The following CR1 variants were observed in gnomAD, a reference collection of about 807,000 sequenced individuals.
The protein encoded by CR1 is complement C3b/C4b receptor 1 (Knops blood group).
Under a neutral mutation model 187.3 loss-of-function variants are expected in CR1, and 116 were observed. That is an observed-to-expected ratio of 0.62 (90% CI 0.53 to 0.72). The LOEUF is 0.72. Among genes scored for constraint, CR1 ranks in the 30% least tolerant of loss-of-function variants. The pLI is 0.00. For synonymous variants in CR1, 576 were observed against 747.1 expected, an observed-to-expected ratio of 0.77 and a Z score of 3.73; for missense variants, 1,731 against 2,110.7, an observed-to-expected ratio of 0.82 and a Z score of 3.52.
At chr1:207,607,192 A>G in intron 35 of CR1, 59 bp from the exon 36 acceptor site, 1 of 1,312,890 alleles carries the variant, frequency 7.6e-7, no homozygotes, top group South Asian at 1.2e-5. Flanking sequence ...TATTTTCTAA[A>G]TGGTGAGTTA....
intron 35 of CR1, among the ~76,000 whole-genome samples, 175 bp from the exon 36 acceptor site, chr1:207,607,076 T>C (rs1270623448): frequency 1.3e-5 from 2 of 152,232 alleles, no homozygotes; most frequent in African/African-American, 4.8e-5. Flanking sequence ...AATGTAAGCT[T>C]GTCCTCAAAA....
chr1:207,576,107 G>T (rs562324038), intron 28 of CR1, among the ~76,000 whole-genome samples: 2 of 152,298 alleles, frequency 1.3e-5, no homozygotes, highest in East Asian at 3.9e-4. Flanking sequence ...ACAGGATCAT[G>T]CCATCTTCCC....
intron 35 of CR1, among the ~76,000 whole-genome samples, chr1:207,604,435 A>G (rs958249583): frequency 1.3e-5 from 2 of 152,200 alleles, no homozygotes; most frequent in Non-Finnish European, 2.9e-5. Flanking sequence ...TAAATCACCT[A>G]GTTCTTTTAT....
At chr1:207,591,398 C>T (rs566286474) in intron 35 of CR1, among the ~76,000 whole-genome samples, 14 of 152,116 alleles carry the variant, frequency 9.2e-5, no homozygotes, top group Non-Finnish European at 1.8e-4. Flanking sequence ...TTCTTTGAAA[C>T]CGATGAAAAC....
chr1:207,520,933 A>G lies in CR1; in HGVS notation c.488-2678A>G, dbSNP rs534460762. Among the ~76,000 whole-genome samples the G allele has an allele frequency of 1.9e-4, 7 of 36,926 alleles. No homozygotes were observed. In the East Asian group the frequency reaches 6.4e-3, roughly 34 times the overall value. 24.2% of individuals were successfully genotyped at this position (36,926 alleles called of 152,430 possible). ...TGTGTCTAGGTAAGAATTTCTTTGT[A>G]TTGCTTGGGTTTGCACATTTTTTTT... is the stretch of plus-strand genomic sequence containing the variant. On this transcript the variant is annotated intron_variant, in intron 4 of 46. Transcript: ENST00000367049.
At position 207,506,748 on chromosome 1, in the gene CR1, T is replaced by A; in HGVS notation, c.336T>A (p.Asn112Lys). 1 of 1,613,744 alleles carries A rather than the reference T, an allele frequency of 6.2e-7. No individual in the cohort carries two copies. ...KSCRNPPDPV[N>K]GMVHVIKGIQ... ...GTCGTAATCCTCCAGATCCTGTGAA[T>A]GGCATGGTGCATGTGATCAAAGGCA... Residue 112 changes from asparagine (N) to lysine (K), a missense_variant, in exon 3 of 47, where the codon AAT becomes AAA. This residue lies in a region of CR1 where 237 missense variants were observed against 240.4 expected (regional missense o/e 0.99). Coordinates refer to ENST00000367049, the MANE Select transcript of CR1 (RefSeq NM_000651.6).
chr1:207,583,270 C>A (rs944213204), intron 32 of CR1, among the ~76,000 whole-genome samples: 14 of 152,094 alleles, frequency 9.2e-5, no homozygotes, highest in African/African-American at 3.4e-4. Flanking sequence ...ATAGAGAGGT[C>A]AAATTAGGTG....
intron 35 of CR1, among the ~76,000 whole-genome samples, chr1:207,605,340 CACA>C (rs1415192766): frequency 4.3e-5 from 3 of 69,358 alleles, no homozygotes; most frequent in African/African-American, 4.2e-4. Flanking sequence ...ATTCTCACCA[CACA>C]CACACACACA....
At chr1:207,503,542 C>T (rs1028001308) in intron 1 of CR1, among the ~76,000 whole-genome samples, 1 of 152,168 alleles carries the variant, frequency 6.6e-6, no homozygotes, top group Non-Finnish European at 1.5e-5. Flanking sequence ...TGGCCTCCTT[C>T]CTCTACCTTC....
intron 4 of CR1, among the ~76,000 whole-genome samples, chr1:207,518,595 T>G (rs1436718692): frequency 1.3e-5 from 2 of 152,222 alleles, no homozygotes; most frequent in African/African-American, 2.4e-5. Flanking sequence ...TGGTTCCATC[T>G]GCAAGCTGTT....
intron 46 of CR1, among the ~76,000 whole-genome samples, chr1:207,636,087 C>T (rs1486737768): frequency 6.6e-6 from 1 of 151,870 alleles, no homozygotes; most frequent in African/African-American, 2.4e-5. Context: ...TCCCCCTTTT[C>T]GACAAAACCG....
chr1:207,616,641 T>C lies in CR1; in HGVS notation c.6728T>C (p.Ile2243Thr). ...GRHTGTPFGD[I>T]PYGKEISYAC... is the part of the protein sequence containing the mutation. The stretch of plus-strand genomic sequence containing the variant: ...CACACAGGAACTCCCTTTGGAGATA[T>C]TCCCTATGGAAAAGAAATATCTTAC... Residue 2243 changes from isoleucine (I) to threonine (T), a missense_variant, in exon 41 of 47, where the codon ATT becomes ACT. Coordinates refer to ENST00000367049, the MANE Select transcript of CR1 (RefSeq NM_000651.6). 6.2e-7 allele frequency: 1 copy of C among 1,613,820 alleles called. No individual in the cohort carries two copies. The highest frequency in any genetic ancestry group is 8.5e-7 in the Non-Finnish European group (1 of 1,179,746).
At chr1:207,518,554 G>A (rs1354046777) in intron 4 of CR1, among the ~76,000 whole-genome samples, 1 of 152,120 alleles carries the variant, frequency 6.6e-6, no homozygotes, top group Non-Finnish European at 1.5e-5. Context: ...CAGTTTGGAG[G>A]CCAGAAATCC....
chr1:207,578,306 G>T, intron 29 of CR1, 103 bp downstream of exon 29: 2 of 1,595,910 alleles, frequency 1.3e-6, no homozygotes, highest in Non-Finnish European at 1.7e-6. Flanking sequence ...GGTGAGGAGG[G>T]TGGGAAAGTA....
At chr1:207,573,977 A>G (rs1660656441) in intron 27 of CR1, among the ~76,000 whole-genome samples, 3 of 152,112 alleles carry the variant, frequency 2.0e-5, no homozygotes. Flanking sequence ...ACAAAAAAGT[A>G]TAAAAATTAG....
intron 41 of CR1, 94 bp from the exon 42 acceptor site, chr1:207,617,977 C>A: frequency 7.2e-7 from 1 of 1,395,668 alleles, no homozygotes; most frequent in Non-Finnish European, 9.7e-7. Context: ...TCATGTACCT[C>A]TAATAGCCAG....
At chr1:207,512,219 A>G (rs993178825) in intron 4 of CR1, among the ~76,000 whole-genome samples, 4 of 152,246 alleles carry the variant, frequency 2.6e-5, no homozygotes, top group Non-Finnish European at 5.9e-5. Context: ...AGAGTAACCT[A>G]AATATTTTAA....
chr1:207,511,513 A>G, intron 3 of CR1, 56 bp from the exon 4 acceptor site: 2 of 1,536,776 alleles, frequency 1.3e-6, no homozygotes, highest in Non-Finnish European at 1.8e-6. Flanking sequence ...TAGTAATTTA[A>G]TTGGGTAGTT....
chr1:207,511,621 G>A lies in CR1; in HGVS notation c.454G>A (p.Val152Ile), dbSNP rs1318002167. The change falls in exon 4 of 47, where the codon GTC becomes ATC. Residue 152 changes from valine (V) to isoleucine (I), a missense_variant. Val to Ile is a conservative substitution (Grantham distance 29). This residue lies in a region of CR1 where 237 missense variants were observed against 240.4 expected (regional missense o/e 0.99). Coordinates refer to ENST00000367049, the MANE Select transcript of CR1 (RefSeq NM_000651.6). ...CACATGCATCATCTCAGGTGATACT[G>A]TCATTTGGGATAATGAAACACCTAT... Reference protein sequence around the residue: ...SATCIISGDTVIWDNETPICD... With the variant: ...SATCIISGDTIIWDNETPICD... 1.2e-6 allele frequency: 2 copies of A among 1,613,270 alleles called. No homozygotes were observed. Among genetic ancestry groups the A allele is most frequent in the Admixed American group, 1.7e-5 (1 of 59,974 alleles).
Sources: gnomAD v4.1 joint callset for allele counts (sites outside exome capture counted in the v4.1 genomes callset) on GRCh38, gnomAD v4.1.1 for gene constraint, gnomAD v4.1.1 regional missense constraint, MANE v1.5 for transcripts, NCBI Gene and HGNC (gene_info 2026-07-23, HGNC 2026-07-21) for gene names.